ORC5: variants seen among roughly 807,000 people sequenced by gnomAD.
ORC5 encodes protein phosphatase 1, regulatory subunit 117.
ORC5 carries 39 observed loss-of-function variants against 58.8 expected under a neutral mutation model. The observed-to-expected ratio is 0.66, with a 90% confidence interval of 0.51 to 0.87. The LOEUF (loss-of-function observed/expected upper bound fraction) is 0.87. Among genes scored for constraint, ORC5 ranks in the 40% least tolerant of loss-of-function variants. The pLI is 0.00. For synonymous variants in ORC5, 218 were observed against 177.6 expected, an observed-to-expected ratio of 1.23 and a Z score of -1.81; for missense variants, 493 against 506.3, an observed-to-expected ratio of 0.97 and a Z score of 0.25.
chr7:104,155,777 AC>A lies in ORC5; in HGVS notation c.1149+5294del, dbSNP rs1303092588. On this transcript the variant is annotated intron_variant, in intron 12 of 13. Transcript: ENST00000297431. ...AAAGAACTGTACTCCTATTGCTCTG[AC>A]CTAACTACAAGAGTATTTGGGTAGG... is the stretch of plus-strand genomic sequence containing the variant. 4.0e-5 allele frequency among the ~76,000 whole-genome samples: 6 copies of A among 151,600 alleles called. No homozygotes were observed. In the East Asian group the frequency reaches 1.2e-3, roughly 29 times the overall value.
In ORC5 at chr7:104,188,312, A is replaced by T. The variant is rs1240590406; in HGVS notation, c.623T>A (p.Ile208Asn). 1.2e-6 allele frequency: 2 copies of T among 1,612,894 alleles called. No homozygotes were observed. The highest frequency in any genetic ancestry group is 1.7e-6 in the Non-Finnish European group (2 of 1,179,148). ...EYSADFYAAY[I>N]NILLGVFYTV... is the part of the protein sequence containing the mutation. ...GTAGAAAACTCCAAGAAGAATGTTAATGTAGGCAGCATAGAAATCAGCTGA... is the reference window on the plus strand; with the variant it reads ...GTAGAAAACTCCAAGAAGAATGTTATTGTAGGCAGCATAGAAATCAGCTGA... The change falls in exon 6 of 14, where the codon ATT becomes AAT. Residue 208 changes from isoleucine (I) to asparagine (N), a missense_variant. Ile to Asn is a moderately radical substitution (Grantham distance 149). This residue lies in a region of ORC5 where 412 missense variants were observed against 403.7 expected (regional missense o/e 1.02). Coordinates refer to ENST00000297431, the MANE Select transcript of ORC5 (RefSeq NM_002553.4).
chr7:104,182,560 A>G (rs1317920790), intron 8 of ORC5, among the ~76,000 whole-genome samples: 2 of 152,058 alleles, frequency 1.3e-5, no homozygotes, highest in African/African-American at 4.8e-5. Context: ...TAGATGATAA[A>G]CGGATTGGTT....
chr7:104,136,963 T>C lies in ORC5; in HGVS notation c.1150-70A>G, dbSNP rs1241834352. ...GTAATACTTTTGTTTCTGAAACATCTTATAGTCTGATAAAGATACATAACT... is the reference window on the plus strand; with the variant it reads ...GTAATACTTTTGTTTCTGAAACATCCTATAGTCTGATAAAGATACATAACT... On this transcript the variant is annotated intron_variant, in intron 12 of 13. Transcript: ENST00000297431. The surrounding 1 kb of genome is among the most constrained non-coding windows in gnomAD (Gnocchi z 4.2). 2.8e-6 allele frequency: 3 copies of C among 1,067,844 alleles called. No homozygotes were observed. In the African/African-American group the frequency reaches 4.7e-5, roughly 17 times the overall value. The allele number at this position is 1,067,844 out of a possible 1,614,324, so 66.1% of individuals were successfully genotyped here.
intron 12 of ORC5, among the ~76,000 whole-genome samples, chr7:104,142,892 G>A (rs1236519853): frequency 6.6e-6 from 1 of 152,168 alleles, no homozygotes; most frequent in Non-Finnish European, 1.5e-5. Flanking sequence ...GGGAGAGTAA[G>A]TACTGCTAAA....
chr7:104,149,738 A>G (rs1798815884), intron 12 of ORC5, among the ~76,000 whole-genome samples: 1 of 152,224 alleles, frequency 6.6e-6, no homozygotes, highest in Admixed American at 6.5e-5. Context: ...ATACATCAGC[A>G]GCATTCTGAC....
chr7:104,137,594 CA>C (rs1798610477), intron 12 of ORC5, among the ~76,000 whole-genome samples: 2 of 152,206 alleles, frequency 1.3e-5, no homozygotes, highest in South Asian at 4.2e-4. Flanking sequence ...GGTAGAGATA[CA>C]AGTGGCTGGA....
intron 5 of ORC5, among the ~76,000 whole-genome samples, chr7:104,191,363 A>T (rs1199544764): frequency 6.6e-6 from 1 of 152,100 alleles, no homozygotes; most frequent in East Asian, 1.9e-4. Context: ...GATCACAGAG[A>T]TTAACATACA....
rs1418934453 is a variant in ORC5 at position 104,138,147 on chromosome 7, T to C, written c.1150-1254A>G. Reference sequence around the variant, plus strand: ...CCCTGGAAGGGGGACAAGGGAACTTTTCCTGTTTCACTGGGATTACTGGTG... The same window carrying C: ...CCCTGGAAGGGGGACAAGGGAACTTCTCCTGTTTCACTGGGATTACTGGTG... On this transcript the variant is annotated intron_variant, in intron 12 of 13. Transcript: ENST00000297431. This position sits in a 1 kb window ranked among gnomAD's most constrained non-coding sequence, Gnocchi z 4.7. Among the ~76,000 whole-genome samples, 1 of 152,176 alleles carries C rather than the reference T, an allele frequency of 6.6e-6. No homozygotes were observed. The highest frequency in any genetic ancestry group is 1.5e-5 in the Non-Finnish European group (1 of 68,034).
At chr7:104,181,888 G>C (rs563638845) in intron 8 of ORC5, among the ~76,000 whole-genome samples, 1 of 152,084 alleles carries the variant, frequency 6.6e-6, no homozygotes, top group South Asian at 2.1e-4. Context: ...TTCCTGGCAG[G>C]CCCAGGAACT....
chr7:104,189,554 C>CATGACCA (rs1161422869), intron 5 of ORC5, among the ~76,000 whole-genome samples: 1 of 152,098 alleles, frequency 6.6e-6, no homozygotes, highest in Non-Finnish European at 1.5e-5. Flanking sequence ...AGACTGAATC[C>CATGACCA]ATGACCAATG....
intron 12 of ORC5, among the ~76,000 whole-genome samples, chr7:104,153,807 T>C (rs1212407220): frequency 6.6e-6 from 1 of 152,162 alleles, no homozygotes; most frequent in Non-Finnish European, 1.5e-5. Context: ...TTTAGGATGT[T>C]ACTCTTTATG....
rs1584477354 is a variant in ORC5 at position 104,136,393 on chromosome 7, A to T, written c.1262+388T>A. The stretch of plus-strand genomic sequence containing the variant: ...CTGACCTAGACACTATATTTCTATC[A>T]GTGTTACCTAAGTCAGGATTTTTAA... On this transcript the variant is annotated intron_variant, in intron 13 of 13. Coordinates refer to ENST00000297431, the MANE Select transcript of ORC5 (RefSeq NM_002553.4). The surrounding 1 kb of genome is among the most constrained non-coding windows in gnomAD (Gnocchi z 4.2). Among the ~76,000 whole-genome samples the T allele has an allele frequency of 6.6e-6, 1 of 152,050 alleles. No homozygotes were observed. The highest frequency in any genetic ancestry group is 2.4e-5 in the African/African-American group (1 of 41,388).
intron 12 of ORC5, among the ~76,000 whole-genome samples, chr7:104,157,284 T>C (rs1333615151): frequency 2.0e-5 from 3 of 151,958 alleles, no homozygotes; most frequent in African/African-American, 4.8e-5. Context: ...AAAGATCAAC[T>C]CCTTAGAACT....
chr7:104,147,455 C>A (rs1396551112), intron 12 of ORC5, among the ~76,000 whole-genome samples: 1 of 152,044 alleles, frequency 6.6e-6, no homozygotes, highest in Non-Finnish European at 1.5e-5. Flanking sequence ...CTATAAAAGC[C>A]AACTGCACTT....
intron 5 of ORC5, among the ~76,000 whole-genome samples, chr7:104,191,956 C>T (rs1311548749): frequency 3.9e-5 from 6 of 152,090 alleles, no homozygotes; most frequent in African/African-American, 1.4e-4. Context: ...AAACTGGACA[C>T]ACTATAGAAA....
chr7:104,184,193 G>C, intron 6 of ORC5, 22 bp from the exon 7 acceptor site: 1 of 1,427,256 alleles, frequency 7.0e-7, no homozygotes, highest in Non-Finnish European at 9.6e-7. Context: ...GAAAAAAAAA[G>C]AGAAGAAAAA....
At chr7:104,158,415 G>C (rs1057083555) in intron 12 of ORC5, among the ~76,000 whole-genome samples, 5 of 151,964 alleles carry the variant, frequency 3.3e-5, no homozygotes, top group Admixed American at 6.6e-5. Context: ...CATAGGCATG[G>C]GCAAGGACTT....
At chr7:104,188,099 C>T (rs1799588431) in intron 6 of ORC5, 152 bp downstream of exon 6, 5 of 932,616 alleles carry the variant, frequency 5.4e-6, no homozygotes, top group African/African-American at 3.3e-5. Flanking sequence ...CTCTAGAGGC[C>T]ATATGCAAAT....
chr7:104,173,952 A>C (rs10233580), intron 8 of ORC5, among the ~76,000 whole-genome samples: 20,372 of 142,962 alleles, frequency 0.14, 2,683 homozygotes, highest in African/African-American at 0.36. Flanking sequence ...TCACGCCATT[A>C]TCCTGCCTCA....
Sources: allele counts gnomAD v4.1 joint callset (sites outside exome capture counted in the v4.1 genomes callset), GRCh38; gene constraint gnomAD v4.1.1; regional missense constraint gnomAD v4.1.1; non-coding constraint Gnocchi (gnomAD v3.1); transcripts MANE v1.5; gene names NCBI Gene and HGNC (gene_info 2026-07-23, HGNC 2026-07-21).